Variants in ANAPC1 observed in about 807,000 individuals in gnomAD.
ANAPC1 encodes anaphase promoting complex subunit 1, also known as anaphase-promoting complex subunit 1.
A neutral mutation model predicts 208.0 loss-of-function variants in ANAPC1; 36 were observed. The observed-to-expected ratio is 0.17, with a 90% confidence interval of 0.13 to 0.23. ANAPC1 has a LOEUF of 0.23. Among genes scored for constraint, ANAPC1 ranks in the 10% least tolerant of loss-of-function variants. ANAPC1 has a pLI of 1.00. For missense variants in ANAPC1, 942 were observed against 2,011.6 expected (o/e 0.47, Z 10.17); for synonymous variants, 378 against 695.2 (o/e 0.54, Z 7.18).
At chr2:111,817,900 G>A (rs1208285248) in intron 27 of ANAPC1, among the ~76,000 whole-genome samples, 3 of 118,268 alleles carry the variant, frequency 2.5e-5, no homozygotes, top group Non-Finnish European at 5.5e-5. Flanking sequence ...TCAGCATTAG[G>A]GGGACATGCA....
chr2:111,817,377 C>T (rs1035684402), intron 27 of ANAPC1, among the ~76,000 whole-genome samples: 4 of 152,170 alleles, frequency 2.6e-5, no homozygotes, highest in Admixed American at 2.0e-4. Flanking sequence ...TTAATCTGCA[C>T]TTATTATATG....
intron 1 of ANAPC1, among the ~76,000 whole-genome samples, chr2:111,883,666 T>C (rs1368528314): frequency 6.6e-6 from 1 of 152,072 alleles, no homozygotes; most frequent in Non-Finnish European, 1.5e-5. Flanking sequence ...TCAGAGGGGC[T>C]GGAGGCCAGT....
intron 11 of ANAPC1, among the ~76,000 whole-genome samples, chr2:111,857,402 A>G (rs1681793935): frequency 6.6e-6 from 1 of 152,256 alleles, no homozygotes; most frequent in African/African-American, 2.4e-5. Context: ...AGATCTGAAT[A>G]GCTATTTTAC....
At chr2:111,816,217 T>G (rs1354179883) in intron 27 of ANAPC1, among the ~76,000 whole-genome samples, 1 of 148,194 alleles carries the variant, frequency 6.7e-6, no homozygotes, top group African/African-American at 2.5e-5. Context: ...TGAGCCAAGA[T>G]CATGCCATTG....
chr2:111,833,590 T>C (rs1259730455), intron 19 of ANAPC1, among the ~76,000 whole-genome samples: 1 of 151,378 alleles, frequency 6.6e-6, no homozygotes, highest in Non-Finnish European at 1.5e-5. Flanking sequence ...CCAAAAGTCA[T>C]GTCTATAAAC....
At chr2:111,811,087 G>A (rs1175557809) in intron 28 of ANAPC1, among the ~76,000 whole-genome samples, 1 of 151,982 alleles carries the variant, frequency 6.6e-6, no homozygotes, top group African/African-American at 2.4e-5. Flanking sequence ...AGGTCCTGGG[G>A]CAACTAAAGG....
chr2:111,815,144 A>AG (rs1179371165), intron 28 of ANAPC1, among the ~76,000 whole-genome samples: 3 of 119,374 alleles, frequency 2.5e-5, no homozygotes, highest in East Asian at 2.5e-4. Flanking sequence ...GCCTTACTCA[A>AG]GGAAAAAAAA....
intron 21 of ANAPC1, among the ~76,000 whole-genome samples, chr2:111,829,227 TAAC>T (rs1679998848): frequency 6.6e-6 from 1 of 151,934 alleles, no homozygotes; most frequent in African/African-American, 2.4e-5. Context: ...ACAATAATAA[TAAC>T]AATTTCAATG....
chr2:111,831,868 T>C (rs1162873676), intron 20 of ANAPC1, among the ~76,000 whole-genome samples: 7 of 144,026 alleles, frequency 4.9e-5, no homozygotes, highest in African/African-American at 1.5e-4. Context: ...TTCCATATTC[T>C]CCAAAATGCT....
intron 38 of ANAPC1, among the ~76,000 whole-genome samples, chr2:111,792,014 G>A (rs1677902004): frequency 6.6e-6 from 1 of 151,824 alleles, no homozygotes; most frequent in African/African-American, 2.4e-5. Flanking sequence ...AATGTCACAG[G>A]ATCTGGTAAA....
intron 7 of ANAPC1, among the ~76,000 whole-genome samples, chr2:111,865,231 G>A (rs1682340317): frequency 6.6e-6 from 1 of 151,916 alleles, no homozygotes; most frequent in African/African-American, 2.4e-5. Context: ...ACCATTACAC[G>A]AATCAGCCAC....
At chr2:111,832,264 C>T (rs1344694582) in intron 20 of ANAPC1, among the ~76,000 whole-genome samples, 1 of 147,006 alleles carries the variant, frequency 6.8e-6, no homozygotes, top group Non-Finnish European at 1.5e-5. Context: ...GATCGTACCA[C>T]TGCACTCCCG....
chr2:111,858,768 A>AAAAG (rs1681886645), intron 10 of ANAPC1, among the ~76,000 whole-genome samples: 1 of 17,372 alleles, frequency 5.8e-5, no homozygotes, highest in African/African-American at 2.2e-4. Flanking sequence ...TCTCAAAAAG[A>AAAAG]AAAAAAAAAA....
intron 38 of ANAPC1, 129 bp downstream of exon 38, chr2:111,792,233 A>G: frequency 1.6e-6 from 1 of 616,160 alleles, no homozygotes; most frequent in Non-Finnish European, 2.9e-6. Context: ...CAAGTCGAAT[A>G]ATGCTGCTAG....
rs564900150 is a variant in ANAPC1, at chr2:111,854,428, CT to C, written c.1515+2185del. 4.0e-3 allele frequency among the ~76,000 whole-genome samples: 614 copies of C among 152,298 alleles called. 16 individuals are homozygous for C. Among genetic ancestry groups the C allele is most frequent in the Non-Finnish European group, 8.8e-4 (60 of 68,022 alleles). On this transcript the variant is annotated intron_variant, in intron 13 of 47. Coordinates refer to ENST00000341068, the MANE Select transcript of ANAPC1 (RefSeq NM_022662.4). ...AATGGTAAATGAGCACGGGCTTCAA[CT>C]TTAAGTCACCAGCTGCATTAGCCCC... is the stretch of plus-strand genomic sequence containing the variant.
intron 18 of ANAPC1, among the ~76,000 whole-genome samples, chr2:111,836,173 A>G (rs534045468): frequency 2.6e-3 from 395 of 151,944 alleles, no homozygotes; most frequent in African/African-American, 9.0e-3. Flanking sequence ...TTTTTTTGGT[A>G]GACAACTGGT....
At chr2:111,774,920 G>A (rs1456732794) in intron 46 of ANAPC1, among the ~76,000 whole-genome samples, 1 of 150,220 alleles carries the variant, frequency 6.7e-6, no homozygotes, top group Admixed American at 6.6e-5. Context: ...TCTTAAACTT[G>A]AAACCCGCTT....
intron 34 of ANAPC1, among the ~76,000 whole-genome samples, chr2:111,799,860 A>AC (rs575147704): frequency 1.4e-3 from 135 of 96,400 alleles, no homozygotes; most frequent in African/African-American, 4.8e-3. Context: ...CATATTGGTT[A>AC]CCTGGGGGTA....
At chr2:111,877,491 G>C (rs1683080291) in intron 3 of ANAPC1, among the ~76,000 whole-genome samples, 1 of 152,148 alleles carries the variant, frequency 6.6e-6, no homozygotes, top group Non-Finnish European at 1.5e-5. Context: ...TAATTATCAA[G>C]CTTGGCTGGG....
Sources: gnomAD v4.1 joint callset for allele counts (sites outside exome capture counted in the v4.1 genomes callset) on GRCh38, gnomAD v4.1.1 for gene constraint, MANE v1.5 for transcripts, NCBI Gene and HGNC (gene_info 2026-07-23, HGNC 2026-07-21) for gene names.